Variants in DNM3 observed in about 807,000 individuals in gnomAD.
The protein encoded by DNM3 is dynamin-3.
A neutral mutation model predicts 101.6 loss-of-function variants in DNM3; 47 were observed. The ratio of observed to expected loss-of-function variants is 0.46; its 90% CI spans 0.37 to 0.59. The LOEUF is 0.59. Among genes scored for constraint, DNM3 ranks in the 20% least tolerant of loss-of-function variants. The probability of loss-of-function intolerance (pLI) is 0.00; values close to 1 mark genes in which losing one functional copy is unlikely to be tolerated. For synonymous variants in DNM3, 385 were observed against 387.9 expected (o/e 0.99, Z 0.09); for missense variants, 849 against 1,085.7 (o/e 0.78, Z 3.06).
At chr1:171,849,178 T>A (rs2032602701) in intron 1 of DNM3, among the ~76,000 whole-genome samples, 1 of 152,202 alleles carries the variant, frequency 6.6e-6, no homozygotes, top group Non-Finnish European at 1.5e-5. Context: ...TTTTTTTAGA[T>A]TTCTCAAAAG....
intron 12 of DNM3, among the ~76,000 whole-genome samples, chr1:172,082,302 T>C (rs1234719134): frequency 2.0e-5 from 3 of 151,918 alleles, no homozygotes; most frequent in African/African-American, 7.3e-5. Context: ...TTTCAACTTT[T>C]CTAAGTCAGA....
chr1:171,945,326 T>G (rs1212611029), intron 2 of DNM3, among the ~76,000 whole-genome samples: 1 of 152,108 alleles, frequency 6.6e-6, no homozygotes, highest in African/African-American at 2.4e-5. Flanking sequence ...TATAGCACAG[T>G]TATATAAATG....
At chr1:172,333,929 G>A (rs937704768) in intron 17 of DNM3, among the ~76,000 whole-genome samples, 37 of 152,072 alleles carry the variant, frequency 2.4e-4, no homozygotes, top group African/African-American at 6.5e-4. Flanking sequence ...CTTCTTTGAC[G>A]TAATTAGCCA....
chr1:171,984,578 A>G (rs1249212292), intron 2 of DNM3, among the ~76,000 whole-genome samples: 1 of 152,240 alleles, frequency 6.6e-6, no homozygotes, highest in South Asian at 2.1e-4. Flanking sequence ...TTCCTTATCT[A>G]TACCACATAA....
At chr1:172,267,838 A>G (rs950425867) in intron 15 of DNM3, among the ~76,000 whole-genome samples, 3 of 151,822 alleles carry the variant, frequency 2.0e-5, no homozygotes, top group Non-Finnish European at 4.4e-5. Flanking sequence ...TCAGCCTCCC[A>G]AGTAGCTGGG....
intron 2 of DNM3, among the ~76,000 whole-genome samples, chr1:171,926,152 C>T (rs1039377674): frequency 6.6e-6 from 1 of 152,194 alleles, no homozygotes; most frequent in Admixed American, 6.5e-5. Context: ...TAATGTGATG[C>T]CTCTGGCTTT....
At chr1:171,851,328 T>A (rs2032932324) in intron 1 of DNM3, among the ~76,000 whole-genome samples, 1 of 152,204 alleles carries the variant, frequency 6.6e-6, no homozygotes, top group South Asian at 2.1e-4. Flanking sequence ...GCTACTTGAC[T>A]CTGTACAAGC....
chr1:171,903,991 T>C (rs2038596571), intron 1 of DNM3, among the ~76,000 whole-genome samples: 1 of 152,090 alleles, frequency 6.6e-6, no homozygotes, highest in South Asian at 2.1e-4. Context: ...AAGTTACTTA[T>C]ATATGTAACA....
At chr1:172,262,550 C>A (rs140609410) in intron 15 of DNM3, among the ~76,000 whole-genome samples, 7 of 152,272 alleles carry the variant, frequency 4.6e-5, no homozygotes, top group African/African-American at 1.7e-4. Context: ...CATTAAGGAG[C>A]CACTCCAGAC....
intron 12 of DNM3, among the ~76,000 whole-genome samples, chr1:172,089,216 TATGCATATCA>T (rs2053742049): frequency 6.6e-6 from 1 of 152,270 alleles, no homozygotes; most frequent in African/African-American, 2.4e-5. Context: ...TTGTTTTGTG[TATGCATATCA>T]TTACTTGTAC....
At chr1:172,094,338 A>C (rs900883514) in intron 13 of DNM3, among the ~76,000 whole-genome samples, 6 of 151,950 alleles carry the variant, frequency 3.9e-5, no homozygotes, top group African/African-American at 1.5e-4. Flanking sequence ...CATTGTCATA[A>C]GCATTTAGAA....
At chr1:172,241,239 ATGTG>A (rs1262155821) in intron 14 of DNM3, among the ~76,000 whole-genome samples, 73 of 148,448 alleles carry the variant, frequency 4.9e-4, no homozygotes, top group Admixed American at 1.9e-3. Context: ...ATATACATAG[ATGTG>A]TGTGTGTGTG....
intron 20 of DNM3, among the ~76,000 whole-genome samples, chr1:172,405,850 G>C (rs1480083099): frequency 6.6e-6 from 1 of 151,070 alleles, no homozygotes. Flanking sequence ...AGATACTTTA[G>C]AGTCACCAAG....
intron 14 of DNM3, among the ~76,000 whole-genome samples, chr1:172,182,729 G>A (rs1193890209): frequency 6.6e-6 from 1 of 152,048 alleles, no homozygotes; most frequent in African/African-American, 2.4e-5. Flanking sequence ...TAGGCACAGA[G>A]TCCTAAGATT....
At chr1:171,976,473 C>G (rs1450793384) in intron 2 of DNM3, among the ~76,000 whole-genome samples, 3 of 152,170 alleles carry the variant, frequency 2.0e-5, no homozygotes, top group Non-Finnish European at 2.9e-5. Flanking sequence ...AAACCATCAG[C>G]TCTTGTGAGA....
intron 10 of DNM3, among the ~76,000 whole-genome samples, chr1:172,050,881 C>CT (rs140391349): frequency 0.024 from 3,518 of 149,380 alleles, 92 homozygotes; most frequent in African/African-American, 0.062. Flanking sequence ...ATGCATGAAT[C>CT]TTTTTTTTTT....
At chr1:172,145,144 G>A (rs940751248) in intron 14 of DNM3, among the ~76,000 whole-genome samples, 1 of 152,164 alleles carries the variant, frequency 6.6e-6, no homozygotes, top group Admixed American at 6.5e-5. Context: ...TTTACTGTCT[G>A]ACCCAGGCTA....
At chr1:172,180,516 A>G (rs1403778849) in intron 14 of DNM3, among the ~76,000 whole-genome samples, 1 of 152,124 alleles carries the variant, frequency 6.6e-6, no homozygotes, top group Non-Finnish European at 1.5e-5. Context: ...TTTATTTCTT[A>G]TATAATTAAG....
intron 14 of DNM3, among the ~76,000 whole-genome samples, chr1:172,206,315 A>G (rs2060319992): frequency 6.6e-6 from 1 of 152,144 alleles, no homozygotes; most frequent in Admixed American, 6.6e-5. Context: ...TTTCAAGTAA[A>G]TATAGTGTTT....
Sources: gnomAD v4.1 joint callset for allele counts (sites outside exome capture counted in the v4.1 genomes callset) on GRCh38, gnomAD v4.1.1 for gene constraint, MANE v1.5 for transcripts, NCBI Gene and HGNC (gene_info 2026-07-23, HGNC 2026-07-21) for gene names.